LRRC7: variants seen among roughly 807,000 people sequenced by gnomAD.
LRRC7 encodes leucine-rich repeat-containing protein 7.
Under a neutral mutation model 175.7 loss-of-function variants are expected in LRRC7, and 23 were observed. The observed-to-expected ratio is 0.13, with a 90% CI of 0.09 to 0.19. LRRC7 has a LOEUF of 0.19. Among genes scored for constraint, LRRC7 ranks in the 10% least tolerant of loss-of-function variants. The probability of loss-of-function intolerance (pLI) is 1.00; values close to 1 mark genes in which losing one functional copy is unlikely to be tolerated. For missense variants in LRRC7, 1,354 were observed against 1,904.7 expected, an observed-to-expected ratio of 0.71 and a Z score of 5.38; for synonymous variants, 685 against 680.9, an observed-to-expected ratio of 1.01 and a Z score of -0.09.
intron 7 of LRRC7, among the ~76,000 whole-genome samples, chr1:69,882,290 A>G (rs1241187446): frequency 1.3e-5 from 2 of 152,088 alleles, no homozygotes; most frequent in Non-Finnish European, 2.9e-5. Flanking sequence ...TACAGCCATT[A>G]CAGAAAACGG....
At chr1:70,048,800 A>C (rs1253993595) in intron 22 of LRRC7, among the ~76,000 whole-genome samples, 1 of 152,092 alleles carries the variant, frequency 6.6e-6, no homozygotes, top group Non-Finnish European at 1.5e-5. Flanking sequence ...CTGAGCACTC[A>C]GTATCACCAA....
intron 1 of LRRC7, among the ~76,000 whole-genome samples, chr1:69,634,743 T>A (rs1297980830): frequency 6.6e-6 from 1 of 152,086 alleles, no homozygotes; most frequent in African/African-American, 2.4e-5. Flanking sequence ...ACTTTGGACA[T>A]GGCACAATGC....
chr1:69,638,487 T>G (rs983480537), intron 1 of LRRC7, among the ~76,000 whole-genome samples: 1 of 151,748 alleles, frequency 6.6e-6, no homozygotes, highest in Non-Finnish European at 1.5e-5. Flanking sequence ...GAGCAGCACT[T>G]AAAACTGGAG....
intron 8 of LRRC7, among the ~76,000 whole-genome samples, chr1:69,967,293 A>G (rs956221353): frequency 1.3e-5 from 2 of 152,104 alleles, no homozygotes; most frequent in African/African-American, 4.8e-5. Flanking sequence ...AGCCACAGCA[A>G]GACCTGCCCA....
At chr1:69,575,373 C>A (rs1645905384) in intron 1 of LRRC7, among the ~76,000 whole-genome samples, 1 of 152,074 alleles carries the variant, frequency 6.6e-6, no homozygotes, top group African/African-American at 2.4e-5. Flanking sequence ...AAAAGCATTT[C>A]TTTTTCATTG....
intron 1 of LRRC7, among the ~76,000 whole-genome samples, chr1:69,617,707 C>T (rs1226666499): frequency 6.6e-6 from 1 of 151,916 alleles, no homozygotes; most frequent in African/African-American, 2.4e-5. Flanking sequence ...GCAGTCTGCT[C>T]TTCCTAACTT....
At chr1:69,914,294 A>C (rs1013998277) in intron 7 of LRRC7, among the ~76,000 whole-genome samples, 5 of 152,246 alleles carry the variant, frequency 3.3e-5, no homozygotes, top group African/African-American at 1.2e-4. Flanking sequence ...TCGTACATTT[A>C]AATGGATAAA....
intron 5 of LRRC7, among the ~76,000 whole-genome samples, chr1:69,831,211 G>A (rs111272819): frequency 1.4e-3 from 216 of 151,952 alleles, no homozygotes; most frequent in African/African-American, 4.8e-3. Context: ...TTTAACATTC[G>A]TCTAATTTTA....
chr1:69,601,173 C>T (rs1569845358), intron 1 of LRRC7, among the ~76,000 whole-genome samples: 2 of 152,128 alleles, frequency 1.3e-5, no homozygotes, highest in East Asian at 3.9e-4. Context: ...ACTAGGTGTA[C>T]TATTGCGGTA....
At chr1:69,965,784 T>G (rs975662364) in intron 8 of LRRC7, among the ~76,000 whole-genome samples, 3 of 152,126 alleles carry the variant, frequency 2.0e-5, no homozygotes, top group Non-Finnish European at 2.9e-5. Flanking sequence ...AGGCATGTAA[T>G]ACATTACTAT....
Position 70,043,962 on chromosome 1 carries a change from T to G in LRRC7, c.3978T>G (p.Ala1326=). 6.2e-7 allele frequency: 1 copy of G among 1,608,610 alleles called. No homozygotes were observed. The highest frequency in any genetic ancestry group is 8.5e-7 in the Non-Finnish European group (1 of 1,175,964). The change falls in exon 22 of 27, where the codon GCT becomes GCG. Residue 1326 remains alanine, a synonymous_variant. Transcript: ENST00000651989. The part of the protein sequence containing the change: ...IEARRLDRNA[A]YKHNTVNLGM... ...TTATTTCCTCTACTCAGAATGCTGC[T>G]TACAAACACAATACAGTTAACCTTG...
chr1:69,792,243 A>C (rs1164627139), intron 4 of LRRC7, 83 bp downstream of exon 4: 5 of 796,328 alleles, frequency 6.3e-6, no homozygotes, highest in Non-Finnish European at 8.3e-6. Flanking sequence ...CAAATAATCT[A>C]AAATAACTTT....
intron 1 of LRRC7, among the ~76,000 whole-genome samples, chr1:69,630,139 A>G (rs1434352540): frequency 6.6e-6 from 1 of 151,970 alleles, no homozygotes; most frequent in Non-Finnish European, 1.5e-5. Flanking sequence ...TATCTCCAAC[A>G]TCTCTCTATT....
At position 69,887,156 on chromosome 1, in the gene LRRC7, C is replaced by T. The variant is rs1288340528; in HGVS notation, c.648-44351C>T. 6.7e-3 allele frequency among the ~76,000 whole-genome samples: 828 copies of T among 123,016 alleles called. 4 individuals are homozygous for T. The highest frequency in any genetic ancestry group is 0.011 in the Non-Finnish European group (641 of 59,886). The allele number at this position is 123,016 out of a possible 152,430, so 80.7% of individuals were successfully genotyped here. A position where few individuals can be genotyped will look rare whatever the true frequency, so the allele number is the denominator to read the frequency against. The stretch of plus-strand genomic sequence containing the variant: ...GTTCTCTGTATTTCCTGAATCTGAA[C>T]GTTGGCCTGCCTTGCTAGATTGGGG... On this transcript the variant is annotated intron_variant, in intron 7 of 26. Coordinates refer to ENST00000651989, the MANE Select transcript of LRRC7 (RefSeq NM_001370785.2).
At chr1:70,110,477 C>A (rs974520345) in intron 26 of LRRC7, among the ~76,000 whole-genome samples, 1 of 151,990 alleles carries the variant, frequency 6.6e-6, no homozygotes, top group Non-Finnish European at 1.5e-5. Context: ...TATGTGGGGA[C>A]GTGAGGGTTA....
intron 1 of LRRC7, among the ~76,000 whole-genome samples, chr1:69,630,519 ATTTAATCTAAAATCTAAATGT>A (rs1212173233): frequency 6.6e-6 from 1 of 152,136 alleles, no homozygotes; most frequent in Non-Finnish European, 1.5e-5. Context: ...AACGAATATT[ATTTAATCTAAAATCTAAATGT>A]TTTAATCTAA....
chr1:69,993,555 A>C (rs1219469261), intron 10 of LRRC7, among the ~76,000 whole-genome samples: 1 of 152,198 alleles, frequency 6.6e-6, no homozygotes, highest in Non-Finnish European at 1.5e-5. Flanking sequence ...AAAGACACAC[A>C]CATGAATTCC....
At chr1:69,872,234 A>C (rs1436384836) in intron 7 of LRRC7, among the ~76,000 whole-genome samples, 1 of 152,068 alleles carries the variant, frequency 6.6e-6, no homozygotes. Context: ...AATGTAGTAC[A>C]TAAAAAATTG....
At chr1:70,119,251 A>G (rs1246896461) in intron 26 of LRRC7, among the ~76,000 whole-genome samples, 1 of 152,078 alleles carries the variant, frequency 6.6e-6, no homozygotes, top group African/African-American at 2.4e-5. Context: ...GAAACAGCAA[A>G]GAGAAGATGT....
Sources: gnomAD v4.1 joint callset for allele counts (sites outside exome capture counted in the v4.1 genomes callset) on GRCh38, gnomAD v4.1.1 for gene constraint, MANE v1.5 for transcripts, NCBI Gene and HGNC (gene_info 2026-07-23, HGNC 2026-07-21) for gene names.